ANTXR2: variants seen among roughly 807,000 people sequenced by gnomAD.
ANTXR2 encodes anthrax toxin receptor 2.
Under a neutral mutation model 73.7 loss-of-function variants are expected in ANTXR2, and 44 were observed. That is an observed-to-expected ratio of 0.60 (90% confidence interval 0.47 to 0.77). ANTXR2 has a LOEUF of 0.77. Among genes scored for constraint, ANTXR2 ranks in the 30% least tolerant of loss-of-function variants. The pLI is 0.00. For missense variants in ANTXR2, 604 were observed against 592.5 expected, an observed-to-expected ratio of 1.02 and a Z score of -0.20; for synonymous variants, 217 against 205.9, an observed-to-expected ratio of 1.05 and a Z score of -0.46.
At chr4:79,987,566 C>T (rs1387134644) in intron 12 of ANTXR2, among the ~76,000 whole-genome samples, 1 of 152,116 alleles carries the variant, frequency 6.6e-6, no homozygotes, top group East Asian at 1.9e-4. Flanking sequence ...AGGATATTGT[C>T]CACACAAATT....
At chr4:80,016,398 C>T (rs945913255) in intron 11 of ANTXR2, among the ~76,000 whole-genome samples, 9 of 152,280 alleles carry the variant, frequency 5.9e-5, no homozygotes, top group African/African-American at 1.9e-4. Context: ...CCTAGTCTCC[C>T]TTCAAGGCCC....
intron 2 of ANTXR2, among the ~76,000 whole-genome samples, chr4:80,070,106 A>G (rs547901489): frequency 6.6e-6 from 1 of 152,348 alleles, no homozygotes; most frequent in Non-Finnish European, 1.5e-5. Flanking sequence ...AGTTTTAGGC[A>G]TGTCTCTCAC....
At chr4:80,002,569 T>C (rs576877822) in intron 12 of ANTXR2, among the ~76,000 whole-genome samples, 1 of 152,060 alleles carries the variant, frequency 6.6e-6, no homozygotes, top group South Asian at 2.1e-4. Context: ...CGGGATCTAA[T>C]TAAACTAAAG....
At chr4:80,044,688 A>T (rs183698849) in intron 7 of ANTXR2, among the ~76,000 whole-genome samples, 55 of 152,078 alleles carry the variant, frequency 3.6e-4, no homozygotes, top group African/African-American at 1.3e-3. Context: ...GACATATTTT[A>T]AAATCCATAT....
At chr4:79,915,399 G>A (rs1727302922) in intron 16 of ANTXR2, among the ~76,000 whole-genome samples, 2 of 152,032 alleles carry the variant, frequency 1.3e-5, no homozygotes, top group Admixed American at 1.3e-4. Flanking sequence ...TGGCATTAAC[G>A]CTTGTGAGCT....
chr4:79,983,889 T>C lies in ANTXR2; in HGVS notation c.1168A>G (p.Lys390Glu). The C allele has an allele frequency of 6.2e-7, 1 of 1,611,972 alleles. No individual in the cohort carries two copies. Among genetic ancestry groups the C allele is most frequent in the Non-Finnish European group, 8.5e-7 (1 of 1,178,676 alleles). ...TTTAAGATACCAACCTCCATTCTTT[T>C]AATTCCTCCAACCCCTCGACCACCA... Reference protein sequence around the residue: ...YYGGRGVGGIKRMEVRWGDKG... With the variant: ...YYGGRGVGGIERMEVRWGDKG... Residue 390 changes from lysine (K) to glutamate (E), a missense_variant, in exon 14 of 17, where the codon AAA becomes GAA. By Grantham distance (56) the Lys-to-Glu change is moderately conservative. Coordinates refer to ENST00000403729, the MANE Select transcript of ANTXR2 (RefSeq NM_058172.6).
chr4:80,038,670 A>G (rs934301200), intron 7 of ANTXR2, among the ~76,000 whole-genome samples: 1 of 152,148 alleles, frequency 6.6e-6, no homozygotes, highest in Admixed American at 6.6e-5. Flanking sequence ...AATATTCATA[A>G]TTATTTTAAT....
intron 16 of ANTXR2, among the ~76,000 whole-genome samples, chr4:79,966,356 CAGTAACTT>C (rs999852608): frequency 2.8e-4 from 43 of 152,230 alleles, no homozygotes; most frequent in African/African-American, 9.4e-4. Flanking sequence ...CCATAAGGTT[CAGTAACTT>C]TAATTTTTTA....
chr4:80,056,850 A>G (rs35232131), intron 3 of ANTXR2, among the ~76,000 whole-genome samples: 5,304 of 152,032 alleles, frequency 0.035, 106 homozygotes, highest in Middle Eastern at 0.11. Context: ...GGAAGTCCCA[A>G]TTTTTAGAGT....
At chr4:79,928,522 T>G (rs1006873009) in intron 16 of ANTXR2, among the ~76,000 whole-genome samples, 2 of 152,162 alleles carry the variant, frequency 1.3e-5, no homozygotes, top group Non-Finnish European at 1.5e-5. Context: ...TTATACATGT[T>G]TTACCATAGT....
chr4:79,986,647 G>A (rs1258175662), intron 12 of ANTXR2, among the ~76,000 whole-genome samples: 1 of 151,960 alleles, frequency 6.6e-6, no homozygotes, highest in African/African-American at 2.4e-5. Context: ...TCACACCATC[G>A]CCCCACTAGT....
chr4:79,984,257 A>G (rs1354055466), intron 13 of ANTXR2, among the ~76,000 whole-genome samples: 2 of 152,196 alleles, frequency 1.3e-5, no homozygotes, highest in Admixed American at 6.5e-5. Flanking sequence ...TTTCAAATCT[A>G]TTCATCACTT....
Position 79,984,678 on chromosome 4 carries a change from A to G in ANTXR2, c.1086+141T>C. 12 of 776,882 alleles carry G rather than the reference A, an allele frequency of 1.5e-5. No individual in the cohort carries two copies. The South Asian group carries it at 1.9e-4, about 12-fold the overall frequency. The allele number at this position is 776,882 out of a possible 1,614,324, so 48.1% of individuals were successfully genotyped here. Reference sequence around the variant, plus strand: ...GAAATAAATCATAAGAGGATGAAAAATAACCACTGATTTGTATAAATTAAA... The same window carrying G: ...GAAATAAATCATAAGAGGATGAAAAGTAACCACTGATTTGTATAAATTAAA... On this transcript the variant is annotated intron_variant, in intron 13 of 16. Transcript: ENST00000403729.
At chr4:79,937,408 TC>T (rs1267770006) in intron 16 of ANTXR2, among the ~76,000 whole-genome samples, 11 of 152,196 alleles carry the variant, frequency 7.2e-5, no homozygotes, top group Admixed American at 7.2e-4. Context: ...TTTGGACATA[TC>T]TTCATTGAAA....
chr4:79,950,026 T>C (rs1465773297), intron 16 of ANTXR2, among the ~76,000 whole-genome samples: 1 of 152,158 alleles, frequency 6.6e-6, no homozygotes, highest in East Asian at 1.9e-4. Context: ...CTTTGAATAA[T>C]AAAATCTATA....
At chr4:79,930,715 C>G (rs1035207319) in intron 16 of ANTXR2, among the ~76,000 whole-genome samples, 2 of 152,162 alleles carry the variant, frequency 1.3e-5, no homozygotes, top group African/African-American at 2.4e-5. Flanking sequence ...TCTTTAGCAG[C>G]CCCTCTGCCC....
chr4:80,044,151 C>G (rs959152803), intron 7 of ANTXR2, among the ~76,000 whole-genome samples: 2 of 151,800 alleles, frequency 1.3e-5, no homozygotes, highest in Non-Finnish European at 2.9e-5. Flanking sequence ...TAATAACTGA[C>G]GGTAAAGACA....
chr4:79,992,290 T>A (rs1730507511), intron 12 of ANTXR2, among the ~76,000 whole-genome samples: 1 of 151,968 alleles, frequency 6.6e-6, no homozygotes, highest in African/African-American at 2.4e-5. Flanking sequence ...TATTTTGATG[T>A]CATTGATAAT....
rs181738903 is a variant in ANTXR2 at position 80,017,733 on chromosome 4, C to A, written c.945+1165G>T. ...CAGTGAGCTAAACACTGAGAAACTA[C>A]AAACCACAAATATTTGTAATTTCAA... On this transcript the variant is annotated intron_variant, in intron 11 of 16. Coordinates refer to ENST00000403729, the MANE Select transcript of ANTXR2 (RefSeq NM_058172.6). 3.3e-5 allele frequency among the ~76,000 whole-genome samples: 5 copies of A among 152,250 alleles called. No individual in the cohort carries two copies. The East Asian group carries it at 9.6e-4, about 29-fold the overall frequency.
Sources: allele counts gnomAD v4.1 joint callset (sites outside exome capture counted in the v4.1 genomes callset), GRCh38; gene constraint gnomAD v4.1.1; transcripts MANE v1.5; gene names NCBI Gene and HGNC (gene_info 2026-07-23, HGNC 2026-07-21).